The following NLGN4Y variants were observed in gnomAD, a reference collection of about 807,000 sequenced individuals.
The protein encoded by NLGN4Y is neuroligin-4, Y-linked.
NLGN4Y carries 4 observed loss-of-function variants against 8.4 expected under a neutral mutation model. That is an observed-to-expected ratio of 0.48 (90% CI 0.23 to 1.09). The LOEUF is 1.09. Ranked by LOEUF, NLGN4Y falls within the 50% of genes least tolerant of loss-of-function variation. The pLI is 0.19. For synonymous variants in NLGN4Y, 35 were observed against 75.6 expected (o/e 0.46, Z 2.78); for missense variants, 90 against 192.3 (o/e 0.47, Z 3.15).
chrY:14,561,760 A>G (rs780593702), intron 1 of NLGN4Y, among the ~76,000 whole-genome samples: 2 of 33,736 alleles, frequency 5.9e-5, no homozygotes, highest in East Asian at 1.6e-3. Context: ...AATGACTGCC[A>G]TTCTAACTGG....
intron 4 of NLGN4Y, among the ~76,000 whole-genome samples, chrY:14,813,713 A>G (rs2043091041): frequency 5.9e-5 from 2 of 33,828 alleles, no homozygotes; most frequent in African/African-American, 1.2e-4. Flanking sequence ...ATCACCGAAA[A>G]TATCTATTGA....
chrY:14,746,991 T>C, intron 4 of NLGN4Y, among the ~76,000 whole-genome samples: 1 of 31,355 alleles, frequency 3.2e-5, no homozygotes, highest in African/African-American at 1.2e-4. Context: ...AACAAAGAAT[T>C]ATCCCATTCA....
intron 2 of NLGN4Y, among the ~76,000 whole-genome samples, chrY:14,686,265 C>T (rs930786240): frequency 1.8e-4 from 6 of 32,839 alleles, no homozygotes; most frequent in Admixed American, 1.7e-3. Context: ...TATTAAAGAG[C>T]AAAGACAAGT....
At position 14,822,031 on chromosome Y, in the gene NLGN4Y, G is replaced by A. The variant is rs777834297; in HGVS notation, c.686-2157G>A. On this transcript the variant is annotated intron_variant, in intron 4 of 6. Transcript: ENST00000684976. ...ACAAGTTTTGCAAAGGTGGTTTCAA[G>A]ATGAAAGGAGTATACTCTTGTAAAG... Among the ~76,000 whole-genome samples, 8 of 33,715 alleles carry A rather than the reference G, an allele frequency of 2.4e-4. No individual in the cohort carries two copies. In the East Asian group the frequency reaches 6.3e-3, roughly 27 times the overall value. 90.5% of individuals were successfully genotyped at this position (33,715 alleles called of 37,273 possible).
chrY:14,574,821 A>C (rs890793741), intron 1 of NLGN4Y, among the ~76,000 whole-genome samples: 45 of 33,203 alleles, frequency 1.4e-3, no homozygotes, highest in Non-Finnish European at 2.7e-3. Flanking sequence ...GCTTGTCTAT[A>C]AAGGTTTTAT....
intron 4 of NLGN4Y, among the ~76,000 whole-genome samples, chrY:14,791,036 A>T: frequency 5.9e-5 from 2 of 33,815 alleles, no homozygotes; most frequent in African/African-American, 2.3e-4. Flanking sequence ...TTCAACAGTT[A>T]TGTTTCCTAA....
chrY:14,830,403 T>C lies in NLGN4Y; in HGVS notation c.1545T>C (p.Tyr515=). 1 of 399,279 alleles carries C rather than the reference T, an allele frequency of 2.5e-6. No individual in the cohort carries two copies. Among genetic ancestry groups the C allele is most frequent in the African/African-American group, 6.1e-5 (1 of 16,349 alleles). The change falls in exon 6 of 7, where the codon TAT becomes TAC. Residue 515 remains tyrosine (Y), a synonymous_variant. Transcript: ENST00000684976. ...ADSAHGDEVP[Y]VFGIPMIGPT... is the part of the protein sequence containing the mutation. ...CGGCCCATGGCGATGAAGTCCCCTA[T>C]GTCTTCGGCATCCCCATGATCGGTC...
In NLGN4Y at chrY:14,723,193, C is replaced by A; in HGVS notation, c.609C>A (p.Asn203Lys). 1 of 396,837 alleles carries A rather than the reference C, an allele frequency of 2.5e-6. No individual in the cohort carries two copies. Among genetic ancestry groups the A allele is most frequent in the Non-Finnish European group, 3.5e-6 (1 of 282,321 alleles). Residue 203 changes from asparagine (N) to lysine (K), a missense_variant, in exon 4 of 7, where the codon AAC becomes AAA. Coordinates refer to ENST00000684976, the MANE Select transcript of NLGN4Y (RefSeq NM_001365588.1). ...HGGSYMEGTG[N>K]MIDGSILASY... The stretch of plus-strand genomic sequence containing the variant: ...GATCTTACATGGAGGGAACCGGTAA[C>A]ATGATTGATGGCAGCATTTTGGCCA...
At chrY:14,824,850 G>A in intron 5 of NLGN4Y, among the ~76,000 whole-genome samples, 2 of 32,931 alleles carry the variant, frequency 6.1e-5, no homozygotes, top group African/African-American at 1.2e-4. Context: ...ATTAGGTGTC[G>A]GTTACAATGA....
Position 14,743,901 on chromosome Y carries a change from C to T in NLGN4Y, c.685+20632C>T, listed in dbSNP as rs72611611. ...CCCAGATAAGTTTAAGTGATTGCAT[C>T]GTGATCTCTTCTTTTCATTGGTGGA... On this transcript the variant is annotated intron_variant, in intron 4 of 6. Transcript: ENST00000684976. 0.03 allele frequency among the ~76,000 whole-genome samples: 999 copies of T among 33,223 alleles called. No homozygotes were observed. In the East Asian group the frequency reaches 0.78, roughly 26 times the overall value. 89.1% of individuals were successfully genotyped at this position (33,223 alleles called of 37,273 possible). A position where few individuals can be genotyped will look rare whatever the true frequency, so the allele number is the denominator to read the frequency against.
chrY:14,675,805 C>G, intron 2 of NLGN4Y, among the ~76,000 whole-genome samples: 1 of 32,261 alleles, frequency 3.1e-5, no homozygotes, highest in East Asian at 8.2e-4. Flanking sequence ...TTCATCTATT[C>G]ATGAATTTAA....
intron 1 of NLGN4Y, among the ~76,000 whole-genome samples, chrY:14,592,412 G>C: frequency 1.5e-4 from 5 of 32,555 alleles, no homozygotes; most frequent in African/African-American, 2.4e-4. Flanking sequence ...TCAGTGGTAG[G>C]AGCCTTTTTA....
intron 1 of NLGN4Y, among the ~76,000 whole-genome samples, chrY:14,531,481 GT>G (rs2080114853): frequency 3.2e-5 from 1 of 31,281 alleles, no homozygotes; most frequent in Non-Finnish European, 7.7e-5. Context: ...TTTATATACA[GT>G]TTATATTACT....
At chrY:14,564,471 G>A in intron 1 of NLGN4Y, among the ~76,000 whole-genome samples, 1 of 33,132 alleles carries the variant, frequency 3.0e-5, no homozygotes, top group African/African-American at 1.2e-4. Flanking sequence ...GCTTGAGTAG[G>A]TGGTTTTATG....
chrY:14,551,176 T>A (rs969826300), intron 1 of NLGN4Y, among the ~76,000 whole-genome samples: 1 of 33,319 alleles, frequency 3.0e-5, no homozygotes, highest in Non-Finnish European at 7.4e-5. Flanking sequence ...CCAACAAAGA[T>A]CAAAGAAGAC....
chrY:14,802,421 C>T (rs766609348), intron 4 of NLGN4Y, among the ~76,000 whole-genome samples: 1 of 31,505 alleles, frequency 3.2e-5, no homozygotes, highest in African/African-American at 1.2e-4. Flanking sequence ...ATTTTTAACT[C>T]TTTCTGAACT....
chrY:14,841,763 T>C lies in NLGN4Y; in HGVS notation c.*501T>C. 8.3e-6 allele frequency: 1 copy of C among 120,184 alleles called. No individual in the cohort carries two copies. Among genetic ancestry groups the C allele is most frequent in the East Asian group, 2.6e-4 (1 of 3,835 alleles). The allele number at this position is 120,184 out of a possible 400,897, so 30.0% of individuals were successfully genotyped here. A position where few individuals can be genotyped will look rare whatever the true frequency, so the allele number is the denominator to read the frequency against. On this transcript the variant is annotated 3_prime_UTR_variant, in exon 7 of 7. Transcript: ENST00000684976. ...AATCCAGAAAGAAGGAAATGCAGAA[T>C]TTTATTATCAAAGTAAGCGAATTGA...
intron 4 of NLGN4Y, among the ~76,000 whole-genome samples, chrY:14,781,756 C>T (rs2042944561): frequency 3.0e-5 from 1 of 33,242 alleles, no homozygotes. Flanking sequence ...TAACTGAGGG[C>T]CCACATGGTT....
At chrY:14,627,777 AAGCGC>A (rs2080533786) in intron 2 of NLGN4Y, among the ~76,000 whole-genome samples, 14 of 34,331 alleles carry the variant, frequency 4.1e-4, no homozygotes, top group Admixed American at 2.3e-3. Flanking sequence ...AGGGCTCCTC[AAGCGC>A]AGCTGGAATG....
Sources: allele counts gnomAD v4.1 joint callset (sites outside exome capture counted in the v4.1 genomes callset), GRCh38; gene constraint gnomAD v4.1.1; transcripts MANE v1.5; gene names NCBI Gene and HGNC (gene_info 2026-07-23, HGNC 2026-07-21).